The following FHIT variants were observed in gnomAD, a reference collection of about 807,000 sequenced individuals.
FHIT encodes fragile histidine triad diadenosine triphosphatase, also known as bis(5'-adenosyl)-triphosphatase.
FHIT carries 19 observed loss-of-function variants against 17.9 expected under a neutral mutation model. That is an observed-to-expected ratio of 1.06 (90% confidence interval 0.74 to 1.56). The LOEUF (loss-of-function observed/expected upper bound fraction) is 1.56. FHIT is among the 40% of genes most tolerant of loss of function. FHIT has a pLI of 0.00. For synonymous variants in FHIT, 81 were observed against 69.7 expected, an observed-to-expected ratio of 1.16 and a Z score of -0.81; for missense variants, 248 against 189.2, an observed-to-expected ratio of 1.31 and a Z score of -1.82.
chr3:60,053,148 T>C (rs1188301759), intron 5 of FHIT, among the ~76,000 whole-genome samples: 1 of 151,906 alleles, frequency 6.6e-6, no homozygotes, highest in East Asian at 1.9e-4. Context: ...TTTCCCTCTT[T>C]CTTAGCGTGG....
At chr3:60,440,775 T>G (rs1438122539) in intron 5 of FHIT, among the ~76,000 whole-genome samples, 2 of 152,094 alleles carry the variant, frequency 1.3e-5, no homozygotes, top group African/African-American at 4.8e-5. Flanking sequence ...GTCATTTCAG[T>G]ATATTTTTAA....
At chr3:60,072,747 T>A (rs115352667) in intron 5 of FHIT, among the ~76,000 whole-genome samples, 1 of 152,308 alleles carries the variant, frequency 6.6e-6, no homozygotes, top group East Asian at 1.9e-4. Context: ...CCACTCTACA[T>A]CTTCTGTACT....
At chr3:60,557,727 T>C in intron 4 of FHIT, among the ~76,000 whole-genome samples, 1 of 152,010 alleles carries the variant, frequency 6.6e-6, no homozygotes, top group Non-Finnish European at 1.5e-5. Flanking sequence ...CCACGTGGGC[T>C]GAGAAGCACA....
chr3:60,480,251 G>C (rs184711985), intron 5 of FHIT, among the ~76,000 whole-genome samples: 74 of 152,238 alleles, frequency 4.9e-4, no homozygotes, highest in African/African-American at 1.8e-3. Context: ...CAGCATGGGG[G>C]AAACTGATCC....
intron 8 of FHIT, among the ~76,000 whole-genome samples, chr3:59,756,564 A>G (rs1701232884): frequency 6.6e-6 from 1 of 152,200 alleles, no homozygotes; most frequent in African/African-American, 2.4e-5. Flanking sequence ...CCTGATATGA[A>G]ACAATGATTT....
intron 8 of FHIT, among the ~76,000 whole-genome samples, chr3:59,913,205 G>A (rs922063530): frequency 3.3e-5 from 5 of 152,002 alleles, no homozygotes; most frequent in African/African-American, 4.8e-5. Context: ...GTTGTGTGTC[G>A]TGTGTGGGTG....
At chr3:61,024,934 C>T (rs1416393450) in intron 3 of FHIT, among the ~76,000 whole-genome samples, 4 of 151,864 alleles carry the variant, frequency 2.6e-5, no homozygotes, top group Non-Finnish European at 2.9e-5. Context: ...GTTTTCAAGA[C>T]AGTGTTTATA....
chr3:60,567,772 CAG>C (rs2037193928), intron 4 of FHIT, among the ~76,000 whole-genome samples: 1 of 152,098 alleles, frequency 6.6e-6, no homozygotes, highest in African/African-American at 2.4e-5. Context: ...AAAAAACAAA[CAG>C]TCCCAGCAAA....
At chr3:60,699,752 T>TACAC (rs148373028) in intron 4 of FHIT, among the ~76,000 whole-genome samples, 34 of 144,280 alleles carry the variant, frequency 2.4e-4, no homozygotes, top group East Asian at 2.3e-3. Context: ...TTAAGATAAA[T>TACAC]ACACACACAC....
intron 5 of FHIT, among the ~76,000 whole-genome samples, chr3:60,086,526 A>G (rs1377437107): frequency 1.3e-5 from 2 of 152,326 alleles, no homozygotes; most frequent in East Asian, 3.9e-4. Context: ...CTATGAGCCT[A>G]TAGGATCAAA....
chr3:60,573,466 T>G (rs973544740), intron 4 of FHIT, among the ~76,000 whole-genome samples: 8 of 152,160 alleles, frequency 5.3e-5, no homozygotes, highest in African/African-American at 1.9e-4. Flanking sequence ...GAGTCTCAAG[T>G]GCTGTGAAAA....
chr3:61,233,265 C>T (rs2040150336), intron 1 of FHIT, among the ~76,000 whole-genome samples: 1 of 152,002 alleles, frequency 6.6e-6, no homozygotes, highest in Admixed American at 6.6e-5. Flanking sequence ...CACACACATT[C>T]ACTGCAGAAT....
At chr3:60,570,523 A>G (rs1293611195) in intron 4 of FHIT, among the ~76,000 whole-genome samples, 1 of 152,080 alleles carries the variant, frequency 6.6e-6, no homozygotes, top group East Asian at 1.9e-4. Context: ...TTGGCCTTCT[A>G]AAAAGCTCCT....
At chr3:60,840,230 A>AT (rs1358672819) in intron 3 of FHIT, among the ~76,000 whole-genome samples, 2 of 152,240 alleles carry the variant, frequency 1.3e-5, no homozygotes, top group Non-Finnish European at 2.9e-5. Context: ...GCAGGCCAGG[A>AT]TATATGCAGA....
At chr3:60,104,598 A>G (rs1316430185) in intron 5 of FHIT, among the ~76,000 whole-genome samples, 2 of 152,072 alleles carry the variant, frequency 1.3e-5, no homozygotes, top group Non-Finnish European at 2.9e-5. Context: ...AAGAACAATC[A>G]CCAAAAGATT....
intron 8 of FHIT, among the ~76,000 whole-genome samples, chr3:59,785,312 CTT>C (rs35748189): frequency 0.043 from 5,742 of 133,468 alleles, 147 homozygotes; most frequent in South Asian, 0.092. Context: ...GCAATCTTGC[CTT>C]TTTTTTTTTT....
chr3:61,106,693 G>C (rs972362987), intron 2 of FHIT, among the ~76,000 whole-genome samples: 1 of 151,936 alleles, frequency 6.6e-6, no homozygotes, highest in Non-Finnish European at 1.5e-5. Flanking sequence ...ATGGAGTCTC[G>C]CTCTGTCGCC....
chr3:59,916,502 T>C (rs1185828389), intron 8 of FHIT, among the ~76,000 whole-genome samples: 1 of 152,218 alleles, frequency 6.6e-6, no homozygotes, highest in African/African-American at 2.4e-5. Context: ...CTACTAGTTC[T>C]GTCCTGCTAG....
chr3:61,099,002 T>G (rs1158628920), intron 2 of FHIT, among the ~76,000 whole-genome samples: 1 of 152,204 alleles, frequency 6.6e-6, no homozygotes, highest in African/African-American at 2.4e-5. Flanking sequence ...TATGCTGATT[T>G]TCAGTGGGAA....
Sources: allele counts gnomAD v4.1 joint callset (sites outside exome capture counted in the v4.1 genomes callset), GRCh38; gene constraint gnomAD v4.1.1; transcripts MANE v1.5; gene names NCBI Gene and HGNC (gene_info 2026-07-23, HGNC 2026-07-21).